Variants in NRXN1 observed in about 807,000 individuals in gnomAD.
The protein encoded by NRXN1 is neurexin 1.
A neutral mutation model predicts 150.9 loss-of-function variants in NRXN1; 39 were observed. That is an observed-to-expected ratio of 0.26 (90% CI 0.20 to 0.34). The LOEUF (loss-of-function observed/expected upper bound fraction) is 0.34, where lower values mean the gene tolerates loss of function less well. NRXN1 is among the 10% of genes least tolerant of loss of function. The probability of loss-of-function intolerance (pLI) is 1.00; values close to 1 mark genes in which losing one functional copy is unlikely to be tolerated. For missense variants in NRXN1, 1,815 were observed against 1,949.9 expected, an observed-to-expected ratio of 0.93 and a Z score of 1.30; for synonymous variants, 924 against 757.0, an observed-to-expected ratio of 1.22 and a Z score of -3.62.
At chr2:50,993,406 G>C (rs1490294457) in intron 2 of NRXN1, among the ~76,000 whole-genome samples, 5 of 151,654 alleles carry the variant, frequency 3.3e-5, no homozygotes, top group African/African-American at 1.2e-4. Context: ...TCTGTTTTAG[G>C]TTCCCTTTGA....
At chr2:50,927,889 G>T (rs767649393) in intron 2 of NRXN1, among the ~76,000 whole-genome samples, 2 of 151,904 alleles carry the variant, frequency 1.3e-5, no homozygotes, top group East Asian at 3.9e-4. Flanking sequence ...AAAAAAAAAG[G>T]AAAGAAAAGC....
At chr2:50,004,100 G>C (rs1684377430) in intron 21 of NRXN1, among the ~76,000 whole-genome samples, 1 of 152,046 alleles carries the variant, frequency 6.6e-6, no homozygotes, top group Non-Finnish European at 1.5e-5. Context: ...TACATTGGTG[G>C]GGTGGCAGAG....
intron 9 of NRXN1, among the ~76,000 whole-genome samples, chr2:50,538,980 A>G (rs1480212218): frequency 1.3e-5 from 2 of 152,200 alleles, no homozygotes; most frequent in Non-Finnish European, 2.9e-5. Context: ...TCTAGAAGAA[A>G]GTCAGATTCC....
At chr2:50,067,530 G>T (rs1254981521) in intron 19 of NRXN1, among the ~76,000 whole-genome samples, 1 of 152,118 alleles carries the variant, frequency 6.6e-6, no homozygotes, top group African/African-American at 2.4e-5. Flanking sequence ...CCAGCAGCAA[G>T]AAATGAAAAG....
chr2:50,949,923 T>G (rs1691026388), intron 2 of NRXN1, among the ~76,000 whole-genome samples: 1 of 152,130 alleles, frequency 6.6e-6, no homozygotes. Flanking sequence ...AAGGAAGATT[T>G]GGGGAAAACT....
intron 5 of NRXN1, among the ~76,000 whole-genome samples, chr2:50,728,821 G>A (rs1697725942): frequency 2.0e-5 from 3 of 152,108 alleles, no homozygotes; most frequent in African/African-American, 7.2e-5. Context: ...TTTAAATGAA[G>A]ACTGGTATGT....
In NRXN1 at chr2:50,091,369, G is replaced by A. The variant is rs201129779; in HGVS notation, c.3672C>T (p.Ala1224=). The A allele has an allele frequency of 6.2e-7, 1 of 1,614,170 alleles. No homozygotes were observed. Among genetic ancestry groups the A allele is most frequent in the South Asian group, 1.1e-5 (1 of 91,088 alleles). ...CTGGCCAGCTGTCCACCTGCAACGT[G>A]GCATTGCCACCACTCCTCGTGAAAC... ...VVRFTRSGGN[A]TLQVDSWPVI... is the part of the protein sequence containing the mutation. The change falls in exon 19 of 23, where the codon GCC becomes GCT. Residue 1224 remains alanine (A), a synonymous_variant. Coordinates refer to ENST00000401669, the MANE Select transcript of NRXN1 (RefSeq NM_001330078.2).
At chr2:50,879,426 G>T (rs186389762) in intron 5 of NRXN1, among the ~76,000 whole-genome samples, 1 of 152,020 alleles carries the variant, frequency 6.6e-6, no homozygotes, top group African/African-American at 2.4e-5. Context: ...CATTAGTCAA[G>T]AGAGTATCAT....
At position 50,861,844 on chromosome 2, in the gene NRXN1, T is replaced by G. The variant is rs140085338; in HGVS notation, c.832+60025A>C. ...GAAAGCAAATCCATTTCTCTAGCAG[T>G]TATAAGTGTATTAATAGATTGTTTA... is the stretch of plus-strand genomic sequence containing the variant. On this transcript the variant is annotated intron_variant, in intron 5 of 22. Transcript: ENST00000401669. Among the ~76,000 whole-genome samples, 4 of 152,160 alleles carry G rather than the reference T, an allele frequency of 2.6e-5. No individual in the cohort carries two copies. The East Asian group carries it at 7.8e-4, about 30-fold the overall frequency.
intron 18 of NRXN1, among the ~76,000 whole-genome samples, chr2:50,196,102 T>A (rs1268050866): frequency 6.6e-6 from 1 of 152,092 alleles, no homozygotes; most frequent in East Asian, 1.9e-4. Flanking sequence ...GCATAAACTA[T>A]TTTTCCTGAT....
At chr2:50,724,150 C>T (rs1222458312) in intron 5 of NRXN1, among the ~76,000 whole-genome samples, 3 of 152,016 alleles carry the variant, frequency 2.0e-5, no homozygotes, top group African/African-American at 4.8e-5. Context: ...AATTAAACTA[C>T]CAAGAATTTA....
intron 18 of NRXN1, among the ~76,000 whole-genome samples, chr2:50,104,316 T>C (rs1701355679): frequency 6.6e-6 from 1 of 152,056 alleles, no homozygotes; most frequent in Non-Finnish European, 1.5e-5. Flanking sequence ...AAATATACTG[T>C]TGTGATCTTG....
intron 15 of NRXN1, among the ~76,000 whole-genome samples, chr2:50,491,711 T>C (rs1045777713): frequency 6.6e-5 from 10 of 152,218 alleles, no homozygotes; most frequent in African/African-American, 2.4e-4. Context: ...TACTCAGTTT[T>C]ATGTAGTTTT....
chr2:50,942,014 G>A (rs1558461650), intron 2 of NRXN1, among the ~76,000 whole-genome samples: 1 of 152,170 alleles, frequency 6.6e-6, no homozygotes, highest in South Asian at 2.1e-4. Context: ...TGGCCCAGCT[G>A]CTCTGTTATG....
intron 5 of NRXN1, among the ~76,000 whole-genome samples, chr2:50,866,177 A>G (rs1676914917): frequency 6.6e-6 from 1 of 151,932 alleles, no homozygotes; most frequent in Admixed American, 6.6e-5. Flanking sequence ...ACTGTTGAAT[A>G]TCAATTATTA....
chr2:50,875,722 A>G (rs1201098810), intron 5 of NRXN1, among the ~76,000 whole-genome samples: 1 of 151,848 alleles, frequency 6.6e-6, no homozygotes, highest in Non-Finnish European at 1.5e-5. Context: ...ATATCCAGGC[A>G]TAAAAGCCCC....
chr2:50,670,671 T>C (rs1688713471), intron 5 of NRXN1, among the ~76,000 whole-genome samples: 1 of 151,958 alleles, frequency 6.6e-6, no homozygotes, highest in Non-Finnish European at 1.5e-5. Context: ...GTACCTCACA[T>C]TTAGTTGTCC....
chr2:50,194,092 A>T (rs1642516547), intron 18 of NRXN1, among the ~76,000 whole-genome samples: 1 of 152,188 alleles, frequency 6.6e-6, no homozygotes, highest in African/African-American at 2.4e-5. Flanking sequence ...TGGTCATCAG[A>T]TAGGGGAACT....
At chr2:50,869,465 A>G (rs1033640805) in intron 5 of NRXN1, among the ~76,000 whole-genome samples, 19 of 151,696 alleles carry the variant, frequency 1.3e-4, no homozygotes, top group African/African-American at 4.1e-4. Context: ...AATAAAAAAA[A>G]AAGATGACTA....
Sources: gnomAD v4.1 joint callset for allele counts (sites outside exome capture counted in the v4.1 genomes callset) on GRCh38, gnomAD v4.1.1 for gene constraint, MANE v1.5 for transcripts, NCBI Gene and HGNC (gene_info 2026-07-23, HGNC 2026-07-21) for gene names.